ELOVL2: variants seen among roughly 807,000 people sequenced by gnomAD.
ELOVL2 encodes ELOVL fatty acid elongase 2, also known as very long chain fatty acid elongase 2.
ELOVL2 carries 38 observed loss-of-function variants against 37.7 expected under a neutral mutation model. The ratio of observed to expected loss-of-function variants is 1.01; its 90% CI spans 0.78 to 1.32. The LOEUF (loss-of-function observed/expected upper bound fraction) is 1.32, where lower values mean the gene tolerates loss of function less well. ELOVL2 is among the 40% of genes most tolerant of loss of function. The pLI, the probability that ELOVL2 is intolerant of heterozygous loss-of-function variation, is 0.00. For synonymous variants in ELOVL2, 115 were observed against 122.3 expected (o/e 0.94, Z 0.40); for missense variants, 352 against 363.6 (o/e 0.97, Z 0.26).
intron 1 of ELOVL2, among the ~76,000 whole-genome samples, chr6:11,035,136 A>G (rs1044257111): frequency 1.3e-5 from 2 of 152,198 alleles, no homozygotes; most frequent in Admixed American, 6.5e-5. Context: ...TATTTGTGTT[A>G]CTACTTTCTG....
chr6:11,018,837 C>T (rs977108987), intron 1 of ELOVL2, among the ~76,000 whole-genome samples: 2 of 152,136 alleles, frequency 1.3e-5, no homozygotes, highest in African/African-American at 4.8e-5. Flanking sequence ...TGATGAAATT[C>T]AAACTTGTTT....
chr6:10,994,333 TG>T (rs1220806580), intron 5 of ELOVL2, among the ~76,000 whole-genome samples: 2 of 150,988 alleles, frequency 1.3e-5, no homozygotes, highest in African/African-American at 4.9e-5. Flanking sequence ...CTGGGCGTGG[TG>T]GTGGGCGCCT....
At chr6:10,993,010 C>G (rs1052519166) in intron 5 of ELOVL2, among the ~76,000 whole-genome samples, 1 of 152,054 alleles carries the variant, frequency 6.6e-6, no homozygotes, top group Admixed American at 6.6e-5. Flanking sequence ...CTGGGCAACA[C>G]AGAGAGACCT....
intron 1 of ELOVL2, chr6:11,043,955 G>A: frequency 3.3e-6 from 1 of 307,304 alleles, no homozygotes; most frequent in Non-Finnish European, 5.9e-6. Context: ...GCGAGCGGGC[G>A]CCTCGAGGTG....
intron 7 of ELOVL2, among the ~76,000 whole-genome samples, chr6:10,988,447 C>T (rs1782087629): frequency 1.3e-5 from 2 of 152,282 alleles, no homozygotes; most frequent in Middle Eastern, 3.4e-3. Context: ...GCCTGTAATC[C>T]CAGCTACTTG....
At chr6:10,984,115 T>C (rs1291136784) in intron 7 of ELOVL2, among the ~76,000 whole-genome samples, 2 of 152,192 alleles carry the variant, frequency 1.3e-5, no homozygotes, top group Non-Finnish European at 2.9e-5. Context: ...CCTCCCGGGT[T>C]CAAGTGATTC....
intron 2 of ELOVL2, among the ~76,000 whole-genome samples, chr6:11,006,466 G>T (rs1251115928): frequency 6.6e-6 from 1 of 152,104 alleles, no homozygotes; most frequent in Non-Finnish European, 1.5e-5. Context: ...AAATGATTTG[G>T]CCCAGAATTA....
chr6:11,036,978 GGA>G (rs1783015616), intron 1 of ELOVL2, among the ~76,000 whole-genome samples: 1 of 151,466 alleles, frequency 6.6e-6, no homozygotes, highest in Non-Finnish European at 1.5e-5. Context: ...AGAGAGATGG[GGA>G]GAGAGAGACA....
Position 11,005,471 on chromosome 6 carries a change from A to T in ELOVL2, c.156T>A (p.Gly52=). The T allele has an allele frequency of 6.2e-7, 1 of 1,611,788 alleles. No individual in the cohort carries two copies. The highest frequency in any genetic ancestry group is 1.3e-5 in the African/African-American group (1 of 74,858). ...TVMYLLSIWL[G]NKYMKNRPAL... ...CAGGTCTGTTCTTCATATACTTGTT[A>T]CCCAGCCATATTGAGAGCAGATACA... Residue 52 remains glycine (G), a synonymous_variant, in exon 3 of 8, where the codon GGT becomes GGA. Transcript: ENST00000354666.
chr6:10,987,197 C>A (rs1432924929), intron 7 of ELOVL2, among the ~76,000 whole-genome samples: 1 of 151,992 alleles, frequency 6.6e-6, no homozygotes, highest in Non-Finnish European at 1.5e-5. Context: ...GTGGTGATAT[C>A]CCTTTATCAT....
chr6:11,040,190 A>G (rs3798722), intron 1 of ELOVL2, among the ~76,000 whole-genome samples: 58,561 of 152,152 alleles, frequency 0.38, 14,742 homozygotes, highest in African/African-American at 0.72. Flanking sequence ...ACAGCAAAAG[A>G]GAACAGAGAA....
At chr6:10,994,145 A>C (rs942364414) in intron 5 of ELOVL2, among the ~76,000 whole-genome samples, 1 of 151,948 alleles carries the variant, frequency 6.6e-6, no homozygotes, top group Non-Finnish European at 1.5e-5. Flanking sequence ...CCTGGGCAGA[A>C]GAATGAGACC....
chr6:11,040,048 G>C (rs1249659462), intron 1 of ELOVL2, among the ~76,000 whole-genome samples: 1 of 152,096 alleles, frequency 6.6e-6, no homozygotes, highest in Admixed American at 6.5e-5. Flanking sequence ...GGCTCAAGGG[G>C]TGGAGGAAAG....
rs141361638 is a variant in ELOVL2 at position 11,014,892 on chromosome 6, G to C, written c.4-4083C>G. Among the ~76,000 whole-genome samples the C allele has an allele frequency of 2.6e-5, 4 of 152,022 alleles. No homozygotes were observed. In the East Asian group the frequency reaches 7.8e-4, roughly 30 times the overall value. On this transcript the variant is annotated intron_variant, in intron 1 of 7. Coordinates refer to ENST00000354666, the MANE Select transcript of ELOVL2 (RefSeq NM_017770.4). The stretch of plus-strand genomic sequence containing the variant: ...TATTTTTATTAGTAATTTGAATAAA[G>C]GTTTTCCACCCCCATGCAAAGACTT...
Position 11,005,366 on chromosome 6 carries a change from A to G in ELOVL2, c.255+6T>C. 1.2e-6 allele frequency: 2 copies of G among 1,610,448 alleles called. No homozygotes were observed. The highest frequency in any genetic ancestry group is 2.2e-5 in the South Asian group (2 of 90,090). On this transcript the variant is annotated splice_donor_region_variant and intron_variant, in intron 3 of 7. Coordinates refer to ENST00000354666, the MANE Select transcript of ELOVL2 (RefSeq NM_017770.4). ...GGACTTCAGCTTTGGCTACATAAAC[A>G]CTTACCTCTGCCAGCATGTACGCGG...
intron 1 of ELOVL2, among the ~76,000 whole-genome samples, chr6:11,035,129 T>C (rs920698663): frequency 4.6e-5 from 7 of 152,224 alleles, no homozygotes; most frequent in Non-Finnish European, 1.5e-5. Context: ...ATAAATATAT[T>C]TGTGTTACTA....
intron 5 of ELOVL2, 133 bp downstream of exon 5, chr6:10,994,874 C>T (rs552411484): frequency 4.4e-6 from 3 of 676,788 alleles, no homozygotes; most frequent in Admixed American, 5.7e-5. Flanking sequence ...CACGGGCATC[C>T]TGCTGCGGCA....
At chr6:11,027,680 CCT>C (rs554971542) in intron 1 of ELOVL2, among the ~76,000 whole-genome samples, 38 of 149,894 alleles carry the variant, frequency 2.5e-4, no homozygotes, top group Non-Finnish European at 5.3e-4. Flanking sequence ...TAATTCACCC[CCT>C]GCTTTCACCT....
rs1011284944 is a variant in ELOVL2, at chr6:11,019,683, G to A, written c.4-8874C>T. 4.7e-4 allele frequency among the ~76,000 whole-genome samples: 70 copies of A among 150,382 alleles called. 1 individual carries two copies. Among genetic ancestry groups the A allele is most frequent in the Admixed American group, 4.5e-3 (68 of 15,108 alleles). Reference sequence around the variant, plus strand: ...TAGTGGGCATGGGGAGAAGGAAAAGGGAGGGACTAACTTTTTACTCTGTAT... The same window carrying A: ...TAGTGGGCATGGGGAGAAGGAAAAGAGAGGGACTAACTTTTTACTCTGTAT... On this transcript the variant is annotated intron_variant, in intron 1 of 7. Coordinates refer to ENST00000354666, the MANE Select transcript of ELOVL2 (RefSeq NM_017770.4).
Sources: allele counts gnomAD v4.1 joint callset (sites outside exome capture counted in the v4.1 genomes callset), GRCh38; gene constraint gnomAD v4.1.1; transcripts MANE v1.5; gene names NCBI Gene and HGNC (gene_info 2026-07-23, HGNC 2026-07-21).